The following WDR27 variants were observed in gnomAD, a reference collection of about 807,000 sequenced individuals.
WDR27 encodes WD repeat-containing protein 27.
In WDR27, 100 loss-of-function variants were observed where a neutral mutation model predicts 114.4. The observed-to-expected ratio is 0.87, with a 90% CI of 0.74 to 1.03. The LOEUF is 1.03. WDR27 is among the 50% of genes least tolerant of loss of function. The pLI is 0.00. For synonymous variants in WDR27, 449 were observed against 423.1 expected (o/e 1.06, Z -0.75); for missense variants, 1,129 against 1,092.9 (o/e 1.03, Z -0.47).
intron 25 of WDR27, among the ~76,000 whole-genome samples, chr6:169,527,918 G>A (rs1366828746): frequency 1.3e-5 from 2 of 151,992 alleles, no homozygotes; most frequent in Non-Finnish European, 1.5e-5. Context: ...GAAAAACAAC[G>A]TTAAGAAATA....
intron 13 of WDR27, among the ~76,000 whole-genome samples, chr6:169,653,400 G>T (rs1217374774): frequency 6.6e-6 from 1 of 152,100 alleles, no homozygotes. Flanking sequence ...ACCTAAAAAT[G>T]GTTAAAATGG....
the WDR27 span, among the ~76,000 whole-genome samples, chr6:169,432,015 A>G: frequency 6.6e-6 from 1 of 152,096 alleles, no homozygotes; most frequent in African/African-American, 2.4e-5. Context: ...CCTCTTTTTT[A>G]TCCTCCTGTA....
the WDR27 span, among the ~76,000 whole-genome samples, chr6:169,438,397 C>T: frequency 6.6e-6 from 1 of 151,950 alleles, no homozygotes; most frequent in African/African-American, 2.4e-5. Flanking sequence ...ACCACCACAC[C>T]CGGCTAATTT....
chr6:169,653,682 C>T (rs903271074), intron 13 of WDR27, among the ~76,000 whole-genome samples: 4 of 152,028 alleles, frequency 2.6e-5, no homozygotes, highest in African/African-American at 4.8e-5. Flanking sequence ...CACAGAGAAA[C>T]GCCACAAAAG....
intron 25 of WDR27, among the ~76,000 whole-genome samples, chr6:169,460,429 C>T (rs1784774024): frequency 6.6e-6 from 1 of 151,906 alleles, no homozygotes; most frequent in Non-Finnish European, 1.5e-5. Context: ...AAGAAAACAG[C>T]TATAAAATAT....
chr6:169,567,280 G>A (rs1800651769), intron 25 of WDR27, among the ~76,000 whole-genome samples: 1 of 152,212 alleles, frequency 6.6e-6, no homozygotes, highest in Non-Finnish European at 1.5e-5. Flanking sequence ...CCCTGCAGGT[G>A]TGAGGAGTCC....
intron 16 of WDR27, among the ~76,000 whole-genome samples, chr6:169,646,403 C>T (rs1820754606): frequency 6.6e-6 from 1 of 152,172 alleles, no homozygotes; most frequent in African/African-American, 2.4e-5. Context: ...TGCCCAGAGG[C>T]ATATTTGGCT....
Position 169,580,256 on chromosome 6 carries a change from A to G in WDR27, c.2523+2580T>C, listed in dbSNP as rs528872715. ...ACCGCTAAATGGAATCACGTATTAA[A>G]TAAACACCACCTCCAAGTTTACCTG... On this transcript the variant is annotated intron_variant, in intron 24 of 25. Transcript: ENST00000448612. Among the ~76,000 whole-genome samples the G allele has an allele frequency of 3.3e-5, 5 of 152,376 alleles. No homozygotes were observed. In the East Asian group the frequency reaches 9.6e-4, roughly 29 times the overall value.
chr6:169,636,309 A>G (rs1353397009), intron 19 of WDR27, 62 bp downstream of exon 19: 3 of 1,583,102 alleles, frequency 1.9e-6, no homozygotes, highest in East Asian at 2.2e-5. Flanking sequence ...ACCTTTCAAC[A>G]TCACATTATT....
chr6:169,670,699 G>A lies in WDR27; in HGVS notation c.332-6C>T. Reference sequence around the variant, plus strand: ...AGTCCCTCGAGGGACCAGCCCTAGAGTGAGTTTCACCATTAGTGCCAGTTT... The same window carrying A: ...AGTCCCTCGAGGGACCAGCCCTAGAATGAGTTTCACCATTAGTGCCAGTTT... On this transcript the variant is annotated splice_region_variant and splice_polypyrimidine_tract_variant and intron_variant, in intron 3 of 25. Transcript: ENST00000448612. 2 of 1,613,750 alleles carry A rather than the reference G, an allele frequency of 1.2e-6. No homozygotes were observed. Among genetic ancestry groups the A allele is most frequent in the Non-Finnish European group, 1.7e-6 (2 of 1,179,792 alleles).
At chr6:169,656,280 A>C (rs773050835) in intron 13 of WDR27, among the ~76,000 whole-genome samples, 1 of 152,192 alleles carries the variant, frequency 6.6e-6, no homozygotes, top group Non-Finnish European at 1.5e-5. Context: ...GGTGGGGGCC[A>C]ATCAGAGGAA....
At position 169,565,207 on chromosome 6, in the gene WDR27, C is replaced by T. The variant is rs975969663; in HGVS notation, c.2645+7212G>A. Among the ~76,000 whole-genome samples, 37 of 152,204 alleles carry T rather than the reference C, an allele frequency of 2.4e-4. 1 individual carries two copies. The highest frequency in any genetic ancestry group is 1.5e-5 in the Non-Finnish European group (1 of 68,042). On this transcript the variant is annotated intron_variant, in intron 25 of 25. Transcript: ENST00000448612. ...CCCTTCCCAGTGAACAAACTGCTAA[C>T]GTTGTTGTGTGTGCTTCTGCCGAGA...
chr6:169,493,169 G>T (rs2115443476), intron 25 of WDR27, among the ~76,000 whole-genome samples: 1 of 152,080 alleles, frequency 6.6e-6, no homozygotes, highest in Non-Finnish European at 1.5e-5. Flanking sequence ...AAGATTGAAA[G>T]TAAAGGGTTG....
intron 1 of WDR27, among the ~76,000 whole-genome samples, chr6:169,700,762 T>C (rs972841677): frequency 6.6e-6 from 1 of 152,234 alleles, no homozygotes; most frequent in African/African-American, 2.4e-5. Context: ...TTAACATTTT[T>C]TTGAATTACA....
intron 25 of WDR27, among the ~76,000 whole-genome samples, chr6:169,551,787 A>T (rs1232465154): frequency 6.6e-6 from 1 of 151,626 alleles, no homozygotes; most frequent in African/African-American, 2.4e-5. Context: ...AACGTGTCTT[A>T]TTAGCAGCCA....
chr6:169,488,718 A>T (rs1480220829), intron 25 of WDR27, among the ~76,000 whole-genome samples: 1 of 152,200 alleles, frequency 6.6e-6, no homozygotes, highest in Admixed American at 6.5e-5. Context: ...GAGCAAATGT[A>T]ACAAGGGGAC....
chr6:169,484,423 T>C (rs980700606), intron 25 of WDR27, among the ~76,000 whole-genome samples: 3 of 152,110 alleles, frequency 2.0e-5, no homozygotes, highest in Non-Finnish European at 4.4e-5. Flanking sequence ...CCATTCACAA[T>C]GGCCTCAAAA....
intron 1 of WDR27, among the ~76,000 whole-genome samples, chr6:169,699,399 T>C (rs891054398): frequency 2.0e-5 from 3 of 151,828 alleles, no homozygotes; most frequent in Middle Eastern, 3.4e-3. Context: ...CAAAAGAAAA[T>C]AAAGTCAGGC....
intron 19 of WDR27, among the ~76,000 whole-genome samples, 191 bp from the exon 20 acceptor site, chr6:169,634,716 T>C (rs1422810662): frequency 6.6e-6 from 1 of 152,208 alleles, no homozygotes; most frequent in Non-Finnish European, 1.5e-5. Flanking sequence ...TGTTTTTCTA[T>C]TAACATCTAA....
Sources: gnomAD v4.1 joint callset for allele counts (sites outside exome capture counted in the v4.1 genomes callset) on GRCh38, gnomAD v4.1.1 for gene constraint, MANE v1.5 for transcripts, NCBI Gene and HGNC (gene_info 2026-07-23, HGNC 2026-07-21) for gene names.